AZU1: variants seen among roughly 807,000 people sequenced by gnomAD.
The protein encoded by AZU1 is azurocidin.
AZU1 carries 21 observed loss-of-function variants against 17.8 expected under a neutral mutation model. The observed-to-expected ratio is 1.18, with a 90% CI of 0.84 to 1.70. The LOEUF is 1.70. Among genes scored for constraint, AZU1 ranks in the 40% most tolerant of loss-of-function variants. The pLI is 0.00. For synonymous variants in AZU1, 178 were observed against 155.2 expected (o/e 1.15, Z -1.09); for missense variants, 379 against 362.9 (o/e 1.04, Z -0.36).
At chr19:831,547 C>A in intron 4 of AZU1, 169 bp from the exon 5 acceptor site, 2 of 800,922 alleles carry the variant, frequency 2.5e-6, no homozygotes, top group South Asian at 2.2e-5. Flanking sequence ...GCAACTGATC[C>A]CAAAGTCCAC....
At position 828,226 on chromosome 19, in the gene AZU1, C is replaced by A; in HGVS notation, c.59-4C>A. On this transcript the variant is annotated splice_region_variant and splice_polypyrimidine_tract_variant and intron_variant, in intron 1 of 4. Coordinates refer to ENST00000233997, the MANE Select transcript of AZU1 (RefSeq NM_001700.5). Reference sequence around the variant, plus strand: ...GATCTCAGAGCTGTCTCCCCCCGACCCAGGCTCCAGCCCCCTTTTGGACAT... The same window carrying A: ...GATCTCAGAGCTGTCTCCCCCCGACACAGGCTCCAGCCCCCTTTTGGACAT... 6.3e-7 allele frequency: 1 copy of A among 1,597,092 alleles called. No individual in the cohort carries two copies.
Position 829,701 on chromosome 19 carries a change from C to G in AZU1, c.355C>G (p.Leu119Val). The G allele has an allele frequency of 1.2e-6, 2 of 1,613,072 alleles. No individual in the cohort carries two copies. The highest frequency in any genetic ancestry group is 1.7e-6 in the Non-Finnish European group (2 of 1,179,806). Residue 119 changes from leucine (L) to valine (V), a missense_variant, in exon 3 of 5, where the codon CTT becomes GTT. Coordinates refer to ENST00000233997, the MANE Select transcript of AZU1 (RefSeq NM_001700.5). ...GCAGAACCTGAACGACCTGATGCTG[C>G]TTCAGGTGAGAGGATGGTGCCACCT... is the stretch of plus-strand genomic sequence containing the variant. ...PQQNLNDLML[L>V]QLDREANLTS...
chr19:831,942 C>T lies in AZU1; in HGVS notation c.*65C>T, dbSNP rs1744663859. On this transcript the variant is annotated 3_prime_UTR_variant, in exon 5 of 5. Coordinates refer to ENST00000233997, the MANE Select transcript of AZU1 (RefSeq NM_001700.5). Reference sequence around the variant, plus strand: ...CACACCTCCGGCGCTCCGCACCCACCTCCCACGGCCCCGCCCCTGCCCCCG... The same window carrying T: ...CACACCTCCGGCGCTCCGCACCCACTTCCCACGGCCCCGCCCCTGCCCCCG... 1.3e-6 allele frequency: 2 copies of T among 1,534,480 alleles called. No individual in the cohort carries two copies. Among genetic ancestry groups the T allele is most frequent in the African/African-American group, 2.8e-5 (2 of 72,656 alleles).
In AZU1 at chr19:831,718, G is replaced by T; in HGVS notation, c.597G>T (p.Gly199=). The T allele has an allele frequency of 3.1e-6, 5 of 1,602,644 alleles. No individual in the cohort carries two copies. Among genetic ancestry groups the T allele is most frequent in the Non-Finnish European group, 4.3e-6 (5 of 1,175,284 alleles). ...TGACACAGCTGCTGCCTGCCCAGGGGGACGGGGGCACCCCCCTCGTCTGCG... is the reference window on the plus strand; with the variant it reads ...TGACACAGCTGCTGCCTGCCCAGGGTGACGGGGGCACCCCCCTCGTCTGCG... ...VLTRRGGICN[G]DGGTPLVCEG... Residue 199 remains glycine, a splice_region_variant and synonymous_variant, in exon 5 of 5, where the codon GGG becomes GGT. Transcript: ENST00000233997.
At chr19:831,272 G>GT in intron 4 of AZU1, 1 of 345,840 alleles carries the variant, frequency 2.9e-6, no homozygotes, top group Admixed American at 4.6e-5. Flanking sequence ...TAGAGACAGG[G>GT]TTTCTCCATG....
chr19:828,277 C>T lies in AZU1; in HGVS notation c.106C>T (p.Arg36Cys), dbSNP rs1311030645. The change falls in exon 2 of 5, where the codon CGC (arginine) becomes TGC (cysteine). Residue 36 changes from arginine (R) to cysteine (C), a missense_variant. Physicochemically the swap from Arg to Cys is radical, Grantham distance 180. Coordinates refer to ENST00000233997, the MANE Select transcript of AZU1 (RefSeq NM_001700.5). Reference protein sequence around the residue: ...DIVGGRKARPRQFPFLASIQN... With the variant: ...DIVGGRKARPCQFPFLASIQN... ...CGTTGGCGGCCGGAAGGCGAGGCCC[C>T]GCCAGTTCCCGTTCCTGGCCTCCAT... The T allele has an allele frequency of 5.0e-6, 8 of 1,611,584 alleles. No individual in the cohort carries two copies. The highest frequency in any genetic ancestry group is 3.3e-5 in the Admixed American group (2 of 59,802).
intron 3 of AZU1, among the ~76,000 whole-genome samples, chr19:830,297 G>T (rs1485033920): frequency 2.6e-5 from 4 of 152,154 alleles, no homozygotes; most frequent in Non-Finnish European, 4.4e-5. Context: ...AACACATACA[G>T]ATGTACCACG....
At chr19:828,834 G>A (rs1450374918) in intron 2 of AZU1, among the ~76,000 whole-genome samples, 7 of 144,306 alleles carry the variant, frequency 4.9e-5, no homozygotes, top group Non-Finnish European at 1.1e-4. Context: ...AGGAGGTGCA[G>A]AGAAGGGAAG....
At position 829,712 on chromosome 19, in the gene AZU1, A is replaced by G. The variant is rs1346464296; in HGVS notation, c.360+6A>G. The G allele has an allele frequency of 3.1e-6, 5 of 1,612,466 alleles. No individual in the cohort carries two copies. The highest frequency in any genetic ancestry group is 2.2e-5 in the East Asian group (1 of 44,878). ...ACGACCTGATGCTGCTTCAGGTGAG[A>G]GGATGGTGCCACCTGTGATCCCAGC... On this transcript the variant is annotated splice_donor_region_variant and intron_variant, in intron 3 of 4. Transcript: ENST00000233997.
At chr19:828,046 G>A (rs539756085) in intron 1 of AZU1, 142 bp downstream of exon 1, 1 of 1,388,466 alleles carries the variant, frequency 7.2e-7, no homozygotes, top group Non-Finnish European at 9.7e-7. Context: ...CCCGCGAAAG[G>A]CGTGAGGGCG....
At position 831,971 on chromosome 19, in the gene AZU1, CG is replaced by C; in HGVS notation, c.*96del. 1 of 1,409,084 alleles carries C rather than the reference CG, an allele frequency of 7.1e-7. No individual in the cohort carries two copies. The highest frequency in any genetic ancestry group is 1.3e-5 in the South Asian group (1 of 75,744). The allele number at this position is 1,409,084 out of a possible 1,614,324, so 87.3% of individuals were successfully genotyped here. A position where few individuals can be genotyped will look rare whatever the true frequency, so the allele number is the denominator to read the frequency against. ...CACGGCCCCGCCCCTGCCCCCGCTC[CG>C]GCCAGAGGGGCCCTGGCTGTAATAA... On this transcript the variant is annotated 3_prime_UTR_variant, in exon 5 of 5. Transcript: ENST00000233997.
chr19:831,968 C>A lies in AZU1; in HGVS notation c.*91C>A, dbSNP rs1026954183. On this transcript the variant is annotated 3_prime_UTR_variant, in exon 5 of 5. Coordinates refer to ENST00000233997, the MANE Select transcript of AZU1 (RefSeq NM_001700.5). ...TCCCACGGCCCCGCCCCTGCCCCCGCTCCGGCCAGAGGGGCCCTGGCTGTA... is the reference window on the plus strand; with the variant it reads ...TCCCACGGCCCCGCCCCTGCCCCCGATCCGGCCAGAGGGGCCCTGGCTGTA... 3.5e-6 allele frequency: 5 copies of A among 1,436,108 alleles called. No individual in the cohort carries two copies. The highest frequency in any genetic ancestry group is 1.4e-5 in the African/African-American group (1 of 69,498). The allele number at this position is 1,436,108 out of a possible 1,614,324, so 89.0% of individuals were successfully genotyped here. A position where few individuals can be genotyped will look rare whatever the true frequency, so the allele number is the denominator to read the frequency against.
At chr19:829,436 G>C in intron 2 of AZU1, 126 bp from the exon 3 acceptor site, 1 of 1,312,954 alleles carries the variant, frequency 7.6e-7, no homozygotes, top group Non-Finnish European at 1.0e-6. Context: ...GTAAAAGCGG[G>C]GGAGTTTTCA....
rs1275714417 is a variant in AZU1 at position 831,784 on chromosome 19, C to T, written c.663C>T (p.Pro221=). The change falls in exon 5 of 5, where the codon CCC becomes CCT. Residue 221 remains proline, a synonymous_variant. Coordinates refer to ENST00000233997, the MANE Select transcript of AZU1 (RefSeq NM_001700.5). The stretch of plus-strand genomic sequence containing the variant: ...GCGTGGCCTCCTTTTCCCTGGGGCC[C>T]TGTGGCCGAGGCCCTGACTTCTTCA... ...AHGVASFSLG[P]CGRGPDFFTR... 3 of 1,612,510 alleles carry T rather than the reference C, an allele frequency of 1.9e-6. No individual in the cohort carries two copies. The highest frequency in any genetic ancestry group is 2.7e-5 in the African/African-American group (2 of 74,876).
At chr19:831,314 A>C (rs539203563) in intron 4 of AZU1, 32 of 309,682 alleles carry the variant, frequency 1.0e-4, no homozygotes, top group Non-Finnish European at 1.5e-4. Context: ...TCCTGACCTC[A>C]TGATCGACCC....
Position 828,267 on chromosome 19 carries a change from G to A in AZU1, c.96G>A (p.Lys32=), listed in dbSNP as rs1455345264. The A allele has an allele frequency of 1.9e-6, 3 of 1,610,124 alleles. No homozygotes were observed. The highest frequency in any genetic ancestry group is 2.5e-6 in the Non-Finnish European group (3 of 1,179,154). Residue 32 remains lysine (K), a synonymous_variant, in exon 2 of 5, where the codon AAG becomes AAA. Coordinates refer to ENST00000233997, the MANE Select transcript of AZU1 (RefSeq NM_001700.5). ...TTTTGGACATCGTTGGCGGCCGGAA[G>A]GCGAGGCCCCGCCAGTTCCCGTTCC... is the stretch of plus-strand genomic sequence containing the variant. The part of the protein sequence containing the change: ...SPLLDIVGGR[K]ARPRQFPFLA...
chr19:828,352 T>C lies in AZU1; in HGVS notation c.181T>C (p.Phe61Leu). 6.3e-7 allele frequency: 1 copy of C among 1,598,542 alleles called. No individual in the cohort carries two copies. Among genetic ancestry groups the C allele is most frequent in the Non-Finnish European group, 8.5e-7 (1 of 1,170,996 alleles). Residue 61 changes from phenylalanine to leucine, a missense_variant, in exon 2 of 5, where the codon TTC (phenylalanine) becomes CTC (leucine). By Grantham distance (22) the Phe-to-Leu change is conservative (BLOSUM62 0). Coordinates refer to ENST00000233997, the MANE Select transcript of AZU1 (RefSeq NM_001700.5). Reference sequence around the variant, plus strand: ...CGGGGGTGCCCTGATCCATGCCCGCTTCGTGATGACCGCGGCCAGCTGCTT... The same window carrying C: ...CGGGGGTGCCCTGATCCATGCCCGCCTCGTGATGACCGCGGCCAGCTGCTT... ...FCGGALIHARFVMTAASCFQS... is the reference protein window; with the variant it reads ...FCGGALIHARLVMTAASCFQS...
Position 830,926 on chromosome 19 carries a change from C to T in AZU1, c.579C>T (p.Arg193=), listed in dbSNP as rs774138133. Residue 193 remains arginine, a synonymous_variant, in exon 4 of 5, where the codon CGC becomes CGT. Coordinates refer to ENST00000233997, the MANE Select transcript of AZU1 (RefSeq NM_001700.5). ...NNVCTGVLTR[R]GGICNGDGGT... ...TGTGCACCGGTGTGCTCACCCGCCGCGGTGGCATCTGCAATGTGAGTGCTC... is the reference window on the plus strand; with the variant it reads ...TGTGCACCGGTGTGCTCACCCGCCGTGGTGGCATCTGCAATGTGAGTGCTC... 33 of 1,601,720 alleles carry T rather than the reference C, an allele frequency of 2.1e-5. No homozygotes were observed. Among genetic ancestry groups the T allele is most frequent in the Middle Eastern group, 1.6e-4 (1 of 6,084 alleles).
rs760337322 is a variant in AZU1, at chr19:828,253, G to A, written c.82G>A (p.Val28Ile). 40 of 1,608,544 alleles carry A rather than the reference G, an allele frequency of 2.5e-5. No homozygotes were observed. In the Middle Eastern group the frequency reaches 6.6e-4, roughly 27 times the overall value. The change falls in exon 2 of 5, where the codon GTT becomes ATT. Residue 28 changes from valine to isoleucine, a missense_variant. Coordinates refer to ENST00000233997, the MANE Select transcript of AZU1 (RefSeq NM_001700.5). The part of the protein sequence containing the change: ...RAGSSPLLDI[V>I]GGRKARPRQF... ...AGGCTCCAGCCCCCTTTTGGACATC[G>A]TTGGCGGCCGGAAGGCGAGGCCCCG...
Sources: gnomAD v4.1 joint callset for allele counts (sites outside exome capture counted in the v4.1 genomes callset) on GRCh38, gnomAD v4.1.1 for gene constraint, MANE v1.5 for transcripts, NCBI Gene and HGNC (gene_info 2026-07-23, HGNC 2026-07-21) for gene names.